Variants in PTPRT observed in about 807,000 individuals in gnomAD.
PTPRT encodes receptor-type tyrosine-protein phosphatase T.
In PTPRT, 56 loss-of-function variants were observed where a neutral mutation model predicts 176.8. The ratio of observed to expected loss-of-function variants is 0.32; its 90% CI spans 0.26 to 0.40. PTPRT has a LOEUF of 0.40. Among genes scored for constraint, PTPRT ranks in the 10% least tolerant of loss-of-function variants. PTPRT has a pLI of 1.00. For synonymous variants in PTPRT, 783 were observed against 739.0 expected (o/e 1.06, Z -0.96); for missense variants, 1,540 against 1,908.2 (o/e 0.81, Z 3.60).
At chr20:42,212,343 G>T (rs2055660582) in intron 15 of PTPRT, among the ~76,000 whole-genome samples, 1 of 135,042 alleles carries the variant, frequency 7.4e-6, no homozygotes, top group Non-Finnish European at 1.6e-5. Flanking sequence ...AGTTCAATGT[G>T]TTGGGAAGTC....
chr20:43,136,371 G>A (rs2013833728), intron 1 of PTPRT, among the ~76,000 whole-genome samples: 1 of 152,214 alleles, frequency 6.6e-6, no homozygotes, highest in African/African-American at 2.4e-5. Flanking sequence ...CCAGCACATA[G>A]TAGGTGCTCA....
At chr20:42,219,218 A>C (rs2055831691) in intron 15 of PTPRT, among the ~76,000 whole-genome samples, 1 of 152,208 alleles carries the variant, frequency 6.6e-6, no homozygotes, top group South Asian at 2.1e-4. Context: ...GTGCAATCAT[A>C]AACTGCCGCT....
chr20:42,649,788 C>T (rs1216351649), intron 7 of PTPRT, among the ~76,000 whole-genome samples: 1 of 151,884 alleles, frequency 6.6e-6, no homozygotes, highest in East Asian at 1.9e-4. Flanking sequence ...AACCCAGGTG[C>T]AGTTAACAAG....
chr20:42,299,733 C>T (rs944248917), intron 12 of PTPRT, among the ~76,000 whole-genome samples: 8 of 149,928 alleles, frequency 5.3e-5, no homozygotes, highest in East Asian at 2.0e-4. Flanking sequence ...CTGCAGCCTC[C>T]GCCTTCTGGT....
chr20:42,916,111 T>C lies in PTPRT; in HGVS notation c.89-30179A>G, dbSNP rs573967334. ...GTATATCTTTTAATGCTATCCCTCC[T>C]CCCTCCCCCCACCCCACAACAGTCC... On this transcript the variant is annotated intron_variant, in intron 1 of 30. Transcript: ENST00000373187. Among the ~76,000 whole-genome samples, 470 of 74,972 alleles carry C rather than the reference T, an allele frequency of 6.3e-3. 6 individuals are homozygous for C. The highest frequency in any genetic ancestry group is 0.022 in the African/African-American group (425 of 19,356). The allele number at this position is 74,972 out of a possible 152,430, so 49.2% of individuals were successfully genotyped here. A position where few individuals can be genotyped will look rare whatever the true frequency, so the allele number is the denominator to read the frequency against.
intron 8 of PTPRT, among the ~76,000 whole-genome samples, chr20:42,465,958 C>T (rs6093648): frequency 0.32 from 49,165 of 151,864 alleles, 8,110 homozygotes; most frequent in East Asian, 0.41. Flanking sequence ...CCAGGGTGTG[C>T]TGTTCCCCTC....
chr20:42,454,528 C>A (rs2070887585), intron 8 of PTPRT, among the ~76,000 whole-genome samples: 1 of 152,162 alleles, frequency 6.6e-6, no homozygotes, highest in South Asian at 2.1e-4. Flanking sequence ...AAATTCTAGA[C>A]CATCTAGTAA....
intron 2 of PTPRT, among the ~76,000 whole-genome samples, chr20:42,815,705 T>G (rs764009057): frequency 6.6e-6 from 1 of 152,206 alleles, no homozygotes; most frequent in Non-Finnish European, 1.5e-5. Flanking sequence ...TTTTTAAAAG[T>G]GTTTAGGCTC....
Position 42,599,276 on chromosome 20 carries a change from A to T in PTPRT, c.1153+78590T>A, listed in dbSNP as rs1161613213. On this transcript the variant is annotated intron_variant, in intron 7 of 30. Transcript: ENST00000373187. ...TTGAGAGAGAAAACATGACAACTTCAGGTTTGAACACACAGGGTTTGATGA... is the reference window on the plus strand; with the variant it reads ...TTGAGAGAGAAAACATGACAACTTCTGGTTTGAACACACAGGGTTTGATGA... Among the ~76,000 whole-genome samples the T allele has an allele frequency of 2.6e-5, 4 of 152,304 alleles. No individual in the cohort carries two copies. The Middle Eastern group carries it at 0.014, about 518-fold the overall frequency.
chr20:42,501,926 G>A (rs2071757051), intron 7 of PTPRT, among the ~76,000 whole-genome samples: 3 of 151,902 alleles, frequency 2.0e-5, no homozygotes, highest in African/African-American at 4.8e-5. Flanking sequence ...AATGAATTAG[G>A]AAATTTTCCT....
At position 42,885,416 on chromosome 20, in the gene PTPRT, C is replaced by G. The variant is rs2079086499; in HGVS notation, c.214+391G>C. ...ATAATTAATATAACCTTATAATAGT[C>G]TGTACTGTTGAAGTTTCCCTAAATA... is the stretch of plus-strand genomic sequence containing the variant. On this transcript the variant is annotated intron_variant, in intron 2 of 30. Transcript: ENST00000373187. Among the ~76,000 whole-genome samples, 3 of 150,476 alleles carry G rather than the reference C, an allele frequency of 2.0e-5. No homozygotes were observed. In the South Asian group the frequency reaches 6.3e-4, roughly 31 times the overall value.
intron 15 of PTPRT, among the ~76,000 whole-genome samples, chr20:42,212,486 G>A (rs1488474207): frequency 6.7e-6 from 1 of 149,912 alleles, no homozygotes; most frequent in African/African-American, 2.5e-5. Flanking sequence ...ATTTAAAGGA[G>A]AATGCACTGT....
chr20:42,992,874 T>G (rs753386583), intron 1 of PTPRT, among the ~76,000 whole-genome samples: 11 of 152,206 alleles, frequency 7.2e-5, no homozygotes, highest in Non-Finnish European at 8.8e-5. Context: ...ATGTGGTCTT[T>G]CATGTGGACT....
chr20:42,345,360 CAT>C (rs1165325987), intron 11 of PTPRT, among the ~76,000 whole-genome samples: 57 of 103,230 alleles, frequency 5.5e-4, no homozygotes, highest in African/African-American at 2.0e-3. Flanking sequence ...TAGCTGAAGG[CAT>C]ATATACACAC....
chr20:42,351,489 C>CA (rs199806935), intron 10 of PTPRT, among the ~76,000 whole-genome samples: 2,085 of 151,642 alleles, frequency 0.014, 47 homozygotes, highest in African/African-American at 0.048. Context: ...CATTAAGCTA[C>CA]AAAAAAAACA....
the PTPRT span, among the ~76,000 whole-genome samples, chr20:42,035,703 T>G: frequency 6.6e-6 from 1 of 152,178 alleles, no homozygotes; most frequent in South Asian, 2.1e-4. Context: ...AGTTGGGTAC[T>G]ATTGCTAGCA....
intron 7 of PTPRT, among the ~76,000 whole-genome samples, chr20:42,513,644 A>C (rs1471271716): frequency 6.6e-6 from 1 of 152,210 alleles, no homozygotes; most frequent in African/African-American, 2.4e-5. Flanking sequence ...TATATGCTAC[A>C]CATAAAGTGT....
At chr20:42,886,854 G>T (rs746908738) in intron 1 of PTPRT, among the ~76,000 whole-genome samples, 1 of 152,202 alleles carries the variant, frequency 6.6e-6, no homozygotes, top group African/African-American at 2.4e-5. Context: ...AGAAGTGGAG[G>T]AGAAGTGAAC....
At chr20:42,720,493 C>T (rs532237015) in intron 6 of PTPRT, among the ~76,000 whole-genome samples, 3 of 151,996 alleles carry the variant, frequency 2.0e-5, no homozygotes, top group South Asian at 4.2e-4. Context: ...AGTTAGATTC[C>T]GAAATAAGAG....
Sources: allele counts gnomAD v4.1 joint callset (sites outside exome capture counted in the v4.1 genomes callset), GRCh38; gene constraint gnomAD v4.1.1; transcripts MANE v1.5; gene names NCBI Gene and HGNC (gene_info 2026-07-23, HGNC 2026-07-21).